DNAH9: variants seen among roughly 807,000 people sequenced by gnomAD.
DNAH9 encodes the protein DNAH9 variant protein.
DNAH9 carries 345 observed loss-of-function variants against 471.6 expected under a neutral mutation model. The ratio of observed to expected loss-of-function variants is 0.73; its 90% CI spans 0.67 to 0.80. The LOEUF is 0.80. DNAH9 is among the 30% of genes least tolerant of loss of function. The probability of loss-of-function intolerance (pLI) is 0.00; values close to 1 mark genes in which losing one functional copy is unlikely to be tolerated. For missense variants in DNAH9, 5,407 were observed against 5,609.2 expected (o/e 0.96, Z 1.15); for synonymous variants, 2,093 against 2,123.6 (o/e 0.99, Z 0.40).
intron 22 of DNAH9, among the ~76,000 whole-genome samples, chr17:11,698,645 G>A (rs942073537): frequency 2.0e-5 from 3 of 151,962 alleles, no homozygotes; most frequent in African/African-American, 4.8e-5. Context: ...TCTAAATTTA[G>A]CATTAAAAGT....
At chr17:11,716,875 A>G in intron 26 of DNAH9, among the ~76,000 whole-genome samples, 1 of 152,168 alleles carries the variant, frequency 6.6e-6, no homozygotes, top group East Asian at 1.9e-4. Context: ...TCCTCCTGGG[A>G]GGCAGGGGGC....
intron 14 of DNAH9, among the ~76,000 whole-genome samples, chr17:11,658,132 T>C (rs1266780862): frequency 2.0e-5 from 3 of 152,148 alleles, no homozygotes; most frequent in Non-Finnish European, 4.4e-5. Flanking sequence ...CTTAACAATA[T>C]TGAATATAGC....
chr17:11,794,337 C>T (rs574027356), intron 42 of DNAH9, among the ~76,000 whole-genome samples: 7 of 152,204 alleles, frequency 4.6e-5, no homozygotes, highest in African/African-American at 7.2e-5. Context: ...GCTGGGATTA[C>T]AGGCGTGAGC....
intron 17 of DNAH9, among the ~76,000 whole-genome samples, chr17:11,678,662 A>ATT (rs150090149): frequency 6.7e-6 from 1 of 149,778 alleles, no homozygotes; most frequent in African/African-American, 2.5e-5. Flanking sequence ...TAATTTTAAG[A>ATT]TTTTTTTTTT....
intron 45 of DNAH9, 138 bp downstream of exon 45, chr17:11,810,507 T>C: frequency 9.3e-7 from 1 of 1,077,110 alleles, no homozygotes; most frequent in Non-Finnish European, 1.3e-6. Flanking sequence ...CAAGGACTGG[T>C]TCATTGAGGT....
intron 6 of DNAH9, among the ~76,000 whole-genome samples, chr17:11,621,306 G>A (rs1299930553): frequency 6.6e-6 from 1 of 151,446 alleles, no homozygotes; most frequent in Non-Finnish European, 1.5e-5. Flanking sequence ...TACTCGGGAG[G>A]CTGAGGCAGG....
chr17:11,914,200 A>G (rs1973871097), intron 61 of DNAH9, among the ~76,000 whole-genome samples: 1 of 152,184 alleles, frequency 6.6e-6, no homozygotes, highest in Non-Finnish European at 1.5e-5. Flanking sequence ...AGGTGATGAT[A>G]ATTTTTGTAG....
intron 49 of DNAH9, among the ~76,000 whole-genome samples, chr17:11,844,713 CT>C (rs1489796291): frequency 6.6e-6 from 1 of 152,102 alleles, no homozygotes; most frequent in Admixed American, 6.5e-5. Flanking sequence ...CCAGTAACAT[CT>C]TTTTTTATCA....
At position 11,932,085 on chromosome 17, in the gene DNAH9, G is replaced by A. The variant is rs147426771; in HGVS notation, c.12177G>A (p.Ala4059=). The part of the protein sequence containing the change: ...SILFALCYFH[A]VVAERRKFGP... ...TCTTTGCTCTTTGTTACTTCCATGC[G>A]GTGGTGGCAGAAAGACGAAAATTTG... Residue 4059 remains alanine, a synonymous_variant, in exon 64 of 69, where the codon GCG becomes GCA. Transcript: ENST00000262442. This position sits in a 1 kb window ranked among gnomAD's most constrained non-coding sequence, Gnocchi z 4.3. 58 of 1,614,088 alleles carry A rather than the reference G, an allele frequency of 3.6e-5. No homozygotes were observed. In the Middle Eastern group the frequency reaches 1.3e-3, roughly 37 times the overall value.
At chr17:11,621,138 G>T (rs1182277348) in intron 6 of DNAH9, among the ~76,000 whole-genome samples, 2 of 152,036 alleles carry the variant, frequency 1.3e-5, no homozygotes, top group South Asian at 2.1e-4. Context: ...GGCCGGGCAC[G>T]GTGGCTCTCC....
At chr17:11,631,566 G>A (rs982823176) in intron 7 of DNAH9, among the ~76,000 whole-genome samples, 8 of 151,816 alleles carry the variant, frequency 5.3e-5, no homozygotes, top group African/African-American at 9.7e-5. Flanking sequence ...GCTTGAACCC[G>A]GGAGGCAGAG....
At chr17:11,774,003 G>A (rs773409688) in intron 38 of DNAH9, among the ~76,000 whole-genome samples, 1 of 152,116 alleles carries the variant, frequency 6.6e-6, no homozygotes, top group African/African-American at 2.4e-5. Flanking sequence ...AGGCGTGGTG[G>A]TGCGTGCCTG....
At chr17:11,658,813 G>A (rs1261107128) in intron 14 of DNAH9, among the ~76,000 whole-genome samples, 1 of 151,226 alleles carries the variant, frequency 6.6e-6, no homozygotes, top group African/African-American at 2.4e-5. Flanking sequence ...TTTTTCAAAT[G>A]TTAAACCCAA....
chr17:11,742,135 CT>C, intron 29 of DNAH9, 39 bp from the exon 30 acceptor site: 1 of 1,607,356 alleles, frequency 6.2e-7, no homozygotes, highest in East Asian at 2.2e-5. Flanking sequence ...CAACACTGTA[CT>C]TGGGAAACTG....
In DNAH9 at chr17:11,769,206, G is replaced by A. The variant is rs141059321; in HGVS notation, c.7429G>A (p.Val2477Met). Residue 2477 changes from valine (V) to methionine (M), a missense_variant, in exon 38 of 69, where the codon GTG becomes ATG. By Grantham distance (21) the Val-to-Met change is conservative. Transcript: ENST00000262442. The part of the protein sequence containing the change: ...LMARQRPVML[V>M]GTAGTGKSVL... ...GGCGCGGCAGCGGCCTGTCATGCTG[G>A]TGGGCACGGCTGGCACTGGCAAGTC... The A allele has an allele frequency of 6.3e-5, 102 of 1,614,228 alleles. No homozygotes were observed. The highest frequency in any genetic ancestry group is 3.3e-4 in the Middle Eastern group (2 of 6,062).
intron 66 of DNAH9, among the ~76,000 whole-genome samples, chr17:11,941,870 TATACTG>T (rs1974929852): frequency 6.6e-6 from 1 of 151,742 alleles, no homozygotes; most frequent in Non-Finnish European, 1.5e-5. Flanking sequence ...TGTATATTGA[TATACTG>T]TATCTGGATA....
chr17:11,755,927 C>T (rs188067831), intron 33 of DNAH9, among the ~76,000 whole-genome samples: 12 of 152,208 alleles, frequency 7.9e-5, no homozygotes, highest in African/African-American at 1.7e-4. Flanking sequence ...GTGAAAGGCG[C>T]GTCTTACATG....
intron 68 of DNAH9, among the ~76,000 whole-genome samples, chr17:11,968,982 A>G (rs1018644335): frequency 4.4e-4 from 67 of 152,354 alleles, no homozygotes; most frequent in African/African-American, 1.5e-3. Flanking sequence ...TGGCAAATAT[A>G]CACATTCGAT....
At chr17:11,924,832 C>T (rs893000430) in intron 62 of DNAH9, among the ~76,000 whole-genome samples, 4 of 152,074 alleles carry the variant, frequency 2.6e-5, no homozygotes, top group Non-Finnish European at 1.5e-5. Flanking sequence ...CCATGTTGGC[C>T]AGGCTTGTCT....
Sources: gnomAD v4.1 joint callset for allele counts (sites outside exome capture counted in the v4.1 genomes callset) on GRCh38, gnomAD v4.1.1 for gene constraint, Gnocchi (gnomAD v3.1) non-coding constraint, MANE v1.5 for transcripts, NCBI Gene and HGNC (gene_info 2026-07-23, HGNC 2026-07-21) for gene names.